Variants in SHISA9 observed in about 807,000 individuals in gnomAD.
SHISA9 encodes shisa family member 9.
Under a neutral mutation model 38.0 loss-of-function variants are expected in SHISA9, and 13 were observed. That is an observed-to-expected ratio of 0.34 (90% CI 0.22 to 0.54). The LOEUF (loss-of-function observed/expected upper bound fraction) is 0.54. SHISA9 is among the 20% of genes least tolerant of loss of function. SHISA9 has a pLI of 0.91. For missense variants in SHISA9, 538 were observed against 575.8 expected (o/e 0.93, Z 0.67); for synonymous variants, 275 against 242.0 (o/e 1.14, Z -1.27).
At chr16:13,103,504 A>G (rs2073898712) in intron 2 of SHISA9, among the ~76,000 whole-genome samples, 1 of 152,226 alleles carries the variant, frequency 6.6e-6, no homozygotes. Flanking sequence ...AGGTGTTTGC[A>G]GAGCCACAAG....
At chr16:12,986,353 G>A (rs1463468461) in intron 2 of SHISA9, among the ~76,000 whole-genome samples, 1 of 152,098 alleles carries the variant, frequency 6.6e-6, no homozygotes. Flanking sequence ...GGGAGACGAG[G>A]GTGAAGTATT....
chr16:12,987,330 G>C (rs2072324339), intron 2 of SHISA9, among the ~76,000 whole-genome samples: 1 of 152,082 alleles, frequency 6.6e-6, no homozygotes, highest in African/African-American at 2.4e-5. Context: ...TATCCCAAAG[G>C]CATGGAATCA....
At chr16:13,451,410 T>C in the SHISA9 span, among the ~76,000 whole-genome samples, 4 of 152,262 alleles carry the variant, frequency 2.6e-5, no homozygotes, top group Admixed American at 1.3e-4. Flanking sequence ...CTGCTCCCTA[T>C]TGGGAGAGAC....
At chr16:13,048,751 A>G (rs1254760344) in intron 2 of SHISA9, among the ~76,000 whole-genome samples, 2 of 152,204 alleles carry the variant, frequency 1.3e-5, no homozygotes, top group African/African-American at 2.4e-5. Context: ...AAAGGACTTT[A>G]TGGGTCCAGG....
chr16:13,260,608 A>G, the SHISA9 span, among the ~76,000 whole-genome samples: 4 of 152,060 alleles, frequency 2.6e-5, no homozygotes, highest in East Asian at 7.7e-4. Flanking sequence ...CTCAGCCTGG[A>G]CCTTATTGTC....
the SHISA9 span, among the ~76,000 whole-genome samples, chr16:13,364,852 G>T: frequency 1.5e-4 from 23 of 152,280 alleles, no homozygotes; most frequent in South Asian, 1.0e-3. Context: ...TAACATCCAG[G>T]CTAGGGGTTC....
the SHISA9 span, among the ~76,000 whole-genome samples, chr16:13,323,812 A>C: frequency 6.6e-6 from 1 of 151,940 alleles, no homozygotes; most frequent in Non-Finnish European, 1.5e-5. Flanking sequence ...AGATCCAGTC[A>C]CCTCCCACCA....
the SHISA9 span, among the ~76,000 whole-genome samples, chr16:13,289,837 C>A: frequency 6.6e-6 from 1 of 152,286 alleles, no homozygotes; most frequent in South Asian, 2.1e-4. Context: ...GACACATGAT[C>A]CCCAAATTCT....
At chr16:13,496,219 C>T in the SHISA9 span, among the ~76,000 whole-genome samples, 2 of 152,038 alleles carry the variant, frequency 1.3e-5, no homozygotes, top group African/African-American at 4.8e-5. Flanking sequence ...ATGAAAACAT[C>T]AAACTAGTCT....
intron 2 of SHISA9, among the ~76,000 whole-genome samples, chr16:12,976,090 C>G (rs941942794): frequency 9.2e-5 from 14 of 151,900 alleles, no homozygotes; most frequent in African/African-American, 3.4e-4. Context: ...GAAAAATAAA[C>G]TTATTATTAT....
chr16:13,320,583 A>G, the SHISA9 span, among the ~76,000 whole-genome samples: 4 of 152,206 alleles, frequency 2.6e-5, no homozygotes, highest in African/African-American at 7.2e-5. Context: ...TTGCTGATGA[A>G]TACAGCCTCC....
intron 2 of SHISA9, among the ~76,000 whole-genome samples, chr16:13,047,256 G>A (rs992072586): frequency 2.0e-5 from 3 of 151,812 alleles, no homozygotes; most frequent in African/African-American, 7.3e-5. Context: ...TGCCCATCAT[G>A]GGAAGAAGGG....
At chr16:13,195,542 C>G (rs1221045687) in intron 2 of SHISA9, among the ~76,000 whole-genome samples, 2 of 152,100 alleles carry the variant, frequency 1.3e-5, no homozygotes, top group African/African-American at 4.8e-5. Context: ...ACCCCTACTC[C>G]TTAGATACGG....
chr16:13,246,059 A>T, the SHISA9 span, among the ~76,000 whole-genome samples: 11 of 152,072 alleles, frequency 7.2e-5, no homozygotes, highest in South Asian at 2.1e-4. Flanking sequence ...TTTTTTATTT[A>T]AAAAAAATCC....
the SHISA9 span, among the ~76,000 whole-genome samples, chr16:13,451,231 C>A: frequency 1.9e-4 from 29 of 152,156 alleles, no homozygotes; most frequent in Non-Finnish European, 2.9e-5. Flanking sequence ...CCAGCTGCCC[C>A]GTGGTAACTC....
the SHISA9 span, among the ~76,000 whole-genome samples, chr16:13,323,276 C>T: frequency 6.6e-6 from 1 of 152,182 alleles, no homozygotes; most frequent in Non-Finnish European, 1.5e-5. Context: ...TGCTTGGTCT[C>T]ATGGCCAGCA....
intron 2 of SHISA9, among the ~76,000 whole-genome samples, chr16:12,917,916 G>C (rs746713760): frequency 2.6e-5 from 4 of 152,184 alleles, no homozygotes; most frequent in Admixed American, 6.6e-5. Flanking sequence ...TCAGTGGGTA[G>C]AGGAAGAAGC....
intron 2 of SHISA9, among the ~76,000 whole-genome samples, chr16:13,149,254 G>A (rs2050475778): frequency 6.6e-6 from 1 of 152,186 alleles, no homozygotes; most frequent in South Asian, 2.1e-4. Flanking sequence ...TTGGGGAAAA[G>A]GGCTGGGACT....
the SHISA9 span, among the ~76,000 whole-genome samples, chr16:13,500,377 A>G: frequency 6.6e-6 from 1 of 152,322 alleles, no homozygotes; most frequent in East Asian, 1.9e-4. Context: ...ATGTCTTCAT[A>G]GCAGTGTGAG....
Sources: gnomAD v4.1 joint callset for allele counts (sites outside exome capture counted in the v4.1 genomes callset) on GRCh38, gnomAD v4.1.1 for gene constraint, MANE v1.5 for transcripts, NCBI Gene and HGNC (gene_info 2026-07-23, HGNC 2026-07-21) for gene names.